SEMA3E: variants seen among roughly 807,000 people sequenced by gnomAD.
SEMA3E encodes semaphorin 3E.
SEMA3E carries 49 observed loss-of-function variants against 93.6 expected under a neutral mutation model. That is an observed-to-expected ratio of 0.52 (90% CI 0.42 to 0.66). The LOEUF (loss-of-function observed/expected upper bound fraction) is 0.66. Ranked by LOEUF, SEMA3E falls within the 30% of genes least tolerant of loss-of-function variation. SEMA3E has a pLI of 0.00. For missense variants in SEMA3E, 906 were observed against 964.8 expected (o/e 0.94, Z 0.81); for synonymous variants, 363 against 330.7 (o/e 1.10, Z -1.06).
At chr7:83,436,903 A>G (rs2115768158) in intron 4 of SEMA3E, among the ~76,000 whole-genome samples, 1 of 152,330 alleles carries the variant, frequency 6.6e-6, no homozygotes, top group East Asian at 1.9e-4. Flanking sequence ...AAGAGGTTTA[A>G]TTGCAACATG....
At chr7:83,561,499 C>G (rs954589424) in intron 1 of SEMA3E, among the ~76,000 whole-genome samples, 3 of 152,012 alleles carry the variant, frequency 2.0e-5, no homozygotes, top group Admixed American at 2.0e-4. Context: ...ATATTCTTTC[C>G]TCTGGCAGAA....
chr7:83,429,728 A>ACTC (rs1253236174), intron 4 of SEMA3E, among the ~76,000 whole-genome samples: 1 of 150,334 alleles, frequency 6.7e-6, no homozygotes, highest in African/African-American at 2.5e-5. Context: ...TCCAATCCAC[A>ACTC]CTCCTGCACA....
At chr7:83,512,808 CAAT>C (rs2115654742) in intron 1 of SEMA3E, among the ~76,000 whole-genome samples, 1 of 152,116 alleles carries the variant, frequency 6.6e-6, no homozygotes, top group South Asian at 2.1e-4. Context: ...AAAAATAATA[CAAT>C]GTGTTAATAC....
chr7:83,497,723 T>C (rs1474511809), intron 1 of SEMA3E, among the ~76,000 whole-genome samples: 1 of 152,218 alleles, frequency 6.6e-6, no homozygotes, highest in Non-Finnish European at 1.5e-5. Flanking sequence ...AATTGCTCTT[T>C]TTAGCAATGG....
chr7:83,418,379 A>C lies in SEMA3E; in HGVS notation c.550+11T>G. The C allele has an allele frequency of 1.3e-6, 2 of 1,583,274 alleles. No homozygotes were observed. Among genetic ancestry groups the C allele is most frequent in the Non-Finnish European group, 1.7e-6 (2 of 1,153,654 alleles). ...TGACTACCACCTGATGTCTGTGGCA[A>C]TGACAATTACCAATTAAAGTGGAGA... is the stretch of plus-strand genomic sequence containing the variant. On this transcript the variant is annotated intron_variant, in intron 5 of 16. Transcript: ENST00000643230.
At chr7:83,557,504 A>G (rs1308446656) in intron 1 of SEMA3E, among the ~76,000 whole-genome samples, 1 of 151,982 alleles carries the variant, frequency 6.6e-6, no homozygotes, top group East Asian at 1.9e-4. Context: ...ATGTAAAAAT[A>G]TTAAAGGAAA....
chr7:83,535,020 G>C (rs1036998868), intron 1 of SEMA3E, among the ~76,000 whole-genome samples: 1 of 152,096 alleles, frequency 6.6e-6, no homozygotes, highest in African/African-American at 2.4e-5. Flanking sequence ...CCTGAAAATG[G>C]CACTCTTAGG....
chr7:83,643,762 A>G (rs1046150413), intron 1 of SEMA3E, among the ~76,000 whole-genome samples: 1 of 152,012 alleles, frequency 6.6e-6, no homozygotes, highest in Non-Finnish European at 1.5e-5. Flanking sequence ...TATTTTTTAT[A>G]ATATAAACTA....
intron 1 of SEMA3E, among the ~76,000 whole-genome samples, chr7:83,593,302 G>C (rs879541459): frequency 0.36 from 34,115 of 94,278 alleles, 4,430 homozygotes; most frequent in Middle Eastern, 0.47. Context: ...GTGTGTGTGT[G>C]TGTGTGTGTG....
intron 5 of SEMA3E, among the ~76,000 whole-genome samples, chr7:83,413,804 G>T (rs1345099515): frequency 6.6e-6 from 1 of 152,134 alleles, no homozygotes; most frequent in East Asian, 1.9e-4. Context: ...TTATTTGTGT[G>T]TGCCAGCACC....
chr7:83,394,504 G>A (rs1472772068), intron 12 of SEMA3E, among the ~76,000 whole-genome samples, 166 bp from the exon 13 acceptor site: 2 of 152,116 alleles, frequency 1.3e-5, no homozygotes, highest in Non-Finnish European at 2.9e-5. Context: ...TTAAAATGCA[G>A]CTTTAAAAAC....
At chr7:83,633,002 T>C (rs1329110952) in intron 1 of SEMA3E, among the ~76,000 whole-genome samples, 7 of 152,200 alleles carry the variant, frequency 4.6e-5, no homozygotes, top group African/African-American at 1.7e-4. Flanking sequence ...CCAATTTGGG[T>C]AAAATTATAC....
intron 1 of SEMA3E, among the ~76,000 whole-genome samples, chr7:83,506,237 G>C (rs1261475188): frequency 6.6e-6 from 1 of 151,748 alleles, no homozygotes; most frequent in East Asian, 1.9e-4. Context: ...ACAGATGCAT[G>C]GATAAAGAAA....
At chr7:83,604,041 C>T (rs1299922675) in intron 1 of SEMA3E, among the ~76,000 whole-genome samples, 2 of 152,198 alleles carry the variant, frequency 1.3e-5, no homozygotes, top group East Asian at 3.9e-4. Flanking sequence ...AGATTCATAT[C>T]CCTAATTGCA....
At chr7:83,386,919 G>C in intron 15 of SEMA3E, 64 bp downstream of exon 15, 1 of 1,391,030 alleles carries the variant, frequency 7.2e-7, no homozygotes, top group Non-Finnish European at 1.0e-6. Context: ...TTTTTAAGAA[G>C]TTTGTAGTTT....
chr7:83,410,544 A>AT (rs1788418699), intron 5 of SEMA3E, among the ~76,000 whole-genome samples: 1 of 152,102 alleles, frequency 6.6e-6, no homozygotes, highest in Non-Finnish European at 1.5e-5. Flanking sequence ...GATTAACATA[A>AT]TTTTTTATCA....
chr7:83,587,442 T>G (rs907148706), intron 1 of SEMA3E, among the ~76,000 whole-genome samples: 49 of 152,170 alleles, frequency 3.2e-4, no homozygotes, highest in African/African-American at 1.1e-3. Flanking sequence ...TAAAAAAAGT[T>G]ACGTGGATGA....
intron 1 of SEMA3E, among the ~76,000 whole-genome samples, chr7:83,541,492 A>T (rs1467939059): frequency 6.6e-6 from 1 of 151,828 alleles, no homozygotes; most frequent in Non-Finnish European, 1.5e-5. Context: ...TGGGAGCCTC[A>T]CTCTCTGTCA....
At chr7:83,495,352 C>T (rs889598942) in intron 1 of SEMA3E, among the ~76,000 whole-genome samples, 1 of 151,776 alleles carries the variant, frequency 6.6e-6, no homozygotes, top group African/African-American at 2.4e-5. Context: ...TTCATATCTG[C>T]ATAGAGAAGA....
Sources: gnomAD v4.1 joint callset for allele counts (sites outside exome capture counted in the v4.1 genomes callset) on GRCh38, gnomAD v4.1.1 for gene constraint, MANE v1.5 for transcripts, NCBI Gene and HGNC (gene_info 2026-07-23, HGNC 2026-07-21) for gene names.